BMPR1B: variants seen among roughly 807,000 people sequenced by gnomAD.
BMPR1B encodes bone morphogenetic protein receptor type-1B.
A neutral mutation model predicts 59.1 loss-of-function variants in BMPR1B; 12 were observed. The observed-to-expected ratio is 0.20, with a 90% CI of 0.13 to 0.33. The LOEUF (loss-of-function observed/expected upper bound fraction) is 0.33, where lower values mean the gene tolerates loss of function less well. BMPR1B is among the 10% of genes least tolerant of loss of function. The pLI, the probability that BMPR1B is intolerant of heterozygous loss-of-function variation, is 1.00. For missense variants in BMPR1B, 550 were observed against 610.9 expected, an observed-to-expected ratio of 0.90 and a Z score of 1.05; for synonymous variants, 237 against 207.3, an observed-to-expected ratio of 1.14 and a Z score of -1.23.
rs79563679 is a variant in BMPR1B at position 94,960,308 on chromosome 4, C to G, written c.-112-35732C>G. Among the ~76,000 whole-genome samples, 448 of 152,218 alleles carry G rather than the reference C, an allele frequency of 2.9e-3. 16 individuals are homozygous for G. In the East Asian group the frequency reaches 0.084, roughly 28 times the overall value. On this transcript the variant is annotated intron_variant, in intron 2 of 12. Transcript: ENST00000515059. ...ATAAGCATAATTTCACAGCATAAAT[C>G]TCCTGTATACTAGACCCTTTAAGAG... is the stretch of plus-strand genomic sequence containing the variant.
At chr4:94,958,881 G>A (rs1730254384) in intron 2 of BMPR1B, among the ~76,000 whole-genome samples, 1 of 151,996 alleles carries the variant, frequency 6.6e-6, no homozygotes, top group South Asian at 2.1e-4. Context: ...CTTTAACTAG[G>A]GAATGAGGAT....
chr4:95,026,102 C>CTTTCTTTCCTTCTTTCTTTCTTTCTTTG (rs1578949161), intron 3 of BMPR1B, among the ~76,000 whole-genome samples: 1 of 120,444 alleles, frequency 8.3e-6, no homozygotes, highest in African/African-American at 3.3e-5. Flanking sequence ...TCTTTCATTT[C>CTTTCTTTCCTTCTTTCTTTCTTTCTTTG]TTTCTTTCTT....
chr4:94,780,711 C>G (rs1174699639), intron 1 of BMPR1B, among the ~76,000 whole-genome samples: 1 of 107,852 alleles, frequency 9.3e-6, no homozygotes, highest in East Asian at 3.0e-4. Context: ...TTTTTTGAGA[C>G]AGAGTCTCGC....
chr4:94,980,364 C>T (rs1049343120), intron 2 of BMPR1B, among the ~76,000 whole-genome samples: 1 of 152,122 alleles, frequency 6.6e-6, no homozygotes, highest in African/African-American at 2.4e-5. Flanking sequence ...AACCACTCAC[C>T]CTCTGGTAAA....
At chr4:94,951,196 T>C (rs1729921408) in intron 2 of BMPR1B, among the ~76,000 whole-genome samples, 1 of 152,244 alleles carries the variant, frequency 6.6e-6, no homozygotes, top group South Asian at 2.1e-4. Flanking sequence ...GTTTTCTAAA[T>C]ATACAATCAT....
intron 3 of BMPR1B, among the ~76,000 whole-genome samples, chr4:95,070,798 A>C (rs1394433599): frequency 1.3e-5 from 2 of 152,196 alleles, no homozygotes; most frequent in Admixed American, 1.3e-4. Context: ...AGAAATAAAA[A>C]AATGTATTGT....
chr4:94,849,786 G>T (rs1424082756), intron 1 of BMPR1B, among the ~76,000 whole-genome samples: 2 of 128,330 alleles, frequency 1.6e-5, no homozygotes, highest in African/African-American at 3.3e-5. Flanking sequence ...GGTAGGAGGG[G>T]TTTTTTGGTG....
At position 94,951,917 on chromosome 4, in the gene BMPR1B, T is replaced by G. The variant is rs1027685162; in HGVS notation, c.-112-44123T>G. ...TTTTTTTGGTTGGTAGGGTATTAAT[T>G]ACTACCACAATTTCAGAACTTGTTA... is the stretch of plus-strand genomic sequence containing the variant. On this transcript the variant is annotated intron_variant, in intron 2 of 12. Coordinates refer to ENST00000515059, the MANE Select transcript of BMPR1B (RefSeq NM_001203.3). Among the ~76,000 whole-genome samples, 6 of 152,304 alleles carry G rather than the reference T, an allele frequency of 3.9e-5. No individual in the cohort carries two copies. In the East Asian group the frequency reaches 1.2e-3, roughly 29 times the overall value.
At chr4:94,814,267 T>A (rs1261126160) in intron 1 of BMPR1B, among the ~76,000 whole-genome samples, 1 of 152,252 alleles carries the variant, frequency 6.6e-6, no homozygotes, top group African/African-American at 2.4e-5. Context: ...CTCATTTTTA[T>A]AAATTCATAA....
At position 95,041,161 on chromosome 4, in the gene BMPR1B, C is replaced by T. The variant is rs186048950; in HGVS notation, c.-18+45027C>T. Among the ~76,000 whole-genome samples, 533 of 152,320 alleles carry T rather than the reference C, an allele frequency of 3.5e-3. 1 individual carries two copies. The highest frequency in any genetic ancestry group is 6.2e-3 in the Non-Finnish European group (419 of 68,022). On this transcript the variant is annotated intron_variant, in intron 3 of 12. Coordinates refer to ENST00000515059, the MANE Select transcript of BMPR1B (RefSeq NM_001203.3). ...TCCTGGGCCCAAGTGATCCTCCCACCTCAGCCTCCTGAGTAAATAGGAATA... is the reference window on the plus strand; with the variant it reads ...TCCTGGGCCCAAGTGATCCTCCCACTTCAGCCTCCTGAGTAAATAGGAATA...
At chr4:95,090,213 G>A (rs1219112842) in intron 3 of BMPR1B, among the ~76,000 whole-genome samples, 9 of 151,538 alleles carry the variant, frequency 5.9e-5, no homozygotes, top group Admixed American at 5.9e-4. Flanking sequence ...GGCTAGTAGG[G>A]AATTAGTATA....
chr4:94,878,310 A>G (rs980147459), intron 2 of BMPR1B, among the ~76,000 whole-genome samples: 1 of 152,204 alleles, frequency 6.6e-6, no homozygotes, highest in Non-Finnish European at 1.5e-5. Context: ...TAAAGATACT[A>G]GGTTTTTATT....
At chr4:95,051,071 G>T (rs1408810028) in intron 3 of BMPR1B, among the ~76,000 whole-genome samples, 1 of 152,104 alleles carries the variant, frequency 6.6e-6, no homozygotes, top group Non-Finnish European at 1.5e-5. Flanking sequence ...ATTCATTAGA[G>T]ATTTCTTTTA....
chr4:95,053,333 T>A (rs986772949), intron 3 of BMPR1B, among the ~76,000 whole-genome samples: 23 of 115,886 alleles, frequency 2.0e-4, no homozygotes, highest in African/African-American at 6.2e-4. Context: ...GATGTGCCTG[T>A]ACTTAATTTA....
chr4:94,815,064 C>A (rs552242343), intron 1 of BMPR1B, among the ~76,000 whole-genome samples: 2 of 151,982 alleles, frequency 1.3e-5, no homozygotes, highest in Non-Finnish European at 2.9e-5. Context: ...CCACCACGCC[C>A]GGCTAATTTT....
intron 3 of BMPR1B, among the ~76,000 whole-genome samples, chr4:95,060,579 C>G (rs983972466): frequency 1.3e-5 from 2 of 152,158 alleles, no homozygotes; most frequent in African/African-American, 4.8e-5. Flanking sequence ...AATTTCCCGT[C>G]TCTTCCTCAG....
At position 94,794,109 on chromosome 4, in the gene BMPR1B, A is replaced by G. The variant is rs1025634709; in HGVS notation, c.-183+36041A>G. Among the ~76,000 whole-genome samples, 22 of 149,944 alleles carry G rather than the reference A, an allele frequency of 1.5e-4. No individual in the cohort carries two copies. In the South Asian group the frequency reaches 4.5e-3, roughly 31 times the overall value. ...GTCCTTGCCCATGTCTATGTCCTGAATGGTAATGCCTAGGTTTTCTTCTAG... is the reference window on the plus strand; with the variant it reads ...GTCCTTGCCCATGTCTATGTCCTGAGTGGTAATGCCTAGGTTTTCTTCTAG... On this transcript the variant is annotated intron_variant, in intron 1 of 12. Transcript: ENST00000515059.
intron 1 of BMPR1B, among the ~76,000 whole-genome samples, chr4:94,815,451 A>G (rs1259385784): frequency 6.6e-6 from 1 of 152,234 alleles, no homozygotes; most frequent in African/African-American, 2.4e-5. Flanking sequence ...AAGTTTTAAA[A>G]GTGGAATTAC....
intron 1 of BMPR1B, among the ~76,000 whole-genome samples, chr4:94,802,950 G>A (rs916309546): frequency 3.3e-5 from 5 of 152,138 alleles, no homozygotes; most frequent in African/African-American, 1.2e-4. Context: ...CAGAGGTGTG[G>A]AGTGCAGAGT....
Sources: gnomAD v4.1 joint callset for allele counts (sites outside exome capture counted in the v4.1 genomes callset) on GRCh38, gnomAD v4.1.1 for gene constraint, MANE v1.5 for transcripts, NCBI Gene and HGNC (gene_info 2026-07-23, HGNC 2026-07-21) for gene names.